The following MYOM3 variants were observed in gnomAD, a reference collection of about 807,000 sequenced individuals.
MYOM3 encodes the protein myomesin 3.
A neutral mutation model predicts 191.7 loss-of-function variants in MYOM3; 155 were observed. That is an observed-to-expected ratio of 0.81 (90% CI 0.71 to 0.92). MYOM3 has a LOEUF of 0.92. Ranked by LOEUF, MYOM3 falls within the 40% of genes least tolerant of loss-of-function variation. The pLI is 0.00. For missense variants in MYOM3, 1,889 were observed against 1,890.6 expected, an observed-to-expected ratio of 1.00 and a Z score of 0.02; for synonymous variants, 757 against 762.9, an observed-to-expected ratio of 0.99 and a Z score of 0.13.
At chr1:24,067,260 ATTTC>A (rs1220392041) in intron 27 of MYOM3, among the ~76,000 whole-genome samples, 172 bp from the exon 28 acceptor site, 80 of 146,602 alleles carry the variant, frequency 5.5e-4, no homozygotes, top group African/African-American at 1.9e-3. Flanking sequence ...CAGAGCGCAA[ATTTC>A]TTTCTTTCTT....
chr1:24,073,252 G>C (rs903519935), intron 23 of MYOM3, among the ~76,000 whole-genome samples: 2 of 152,154 alleles, frequency 1.3e-5, no homozygotes, highest in African/African-American at 4.8e-5. Flanking sequence ...TCTGGCTTCT[G>C]TTTCTTAACA....
At chr1:24,083,193 C>G (rs895818531) in intron 16 of MYOM3, 7 of 152,498 alleles carry the variant, frequency 4.6e-5, no homozygotes, top group African/African-American at 1.7e-4. Context: ...TCATCCTGTC[C>G]CTTCTTGATA....
chr1:24,108,800 G>A, intron 1 of MYOM3, 146 bp from the exon 2 acceptor site: 1 of 599,624 alleles, frequency 1.7e-6, no homozygotes, highest in Non-Finnish European at 2.8e-6. Flanking sequence ...TGAGGTCTGA[G>A]AGGGAGAGGG....
chr1:24,067,392 TTCCTTCC>T (rs1643461047), intron 27 of MYOM3, among the ~76,000 whole-genome samples: 2 of 19,126 alleles, frequency 1.0e-4, no homozygotes, highest in African/African-American at 6.8e-4. Flanking sequence ...TTCTTTTTCC[TTCCTTCC>T]TTCCTTCCTT....
chr1:24,080,040 G>C lies in MYOM3; in HGVS notation c.2562C>G (p.Gly854=). 2 of 1,613,806 alleles carry C rather than the reference G, an allele frequency of 1.2e-6. No individual in the cohort carries two copies. The highest frequency in any genetic ancestry group is 1.7e-6 in the Non-Finnish European group (2 of 1,179,886). ...CCCTCAGGTGGGTGCCAGAGATGGG[G>C]CCTGGGGTGACCGGCTTCCACTGCT... ...GSEQWKPVTP[G]PISGTHLRVS... Residue 854 remains glycine (G), a synonymous_variant, in exon 20 of 37, where the codon GGC becomes GGG. Transcript: ENST00000374434.
Position 24,107,147 on chromosome 1 carries a change from T to C in MYOM3, c.328A>G (p.Arg110Gly). The C allele has an allele frequency of 6.2e-7, 1 of 1,612,516 alleles. No individual in the cohort carries two copies. The highest frequency in any genetic ancestry group is 2.2e-5 in the East Asian group (1 of 44,830). ...KRVGFGNDWE[R>G]TEIAFLQTHR... ...GTCTGCAGGAAGGCGATCTCAGTCCTCTCCCAGTCATTGCCGAAGCCCACC... is the reference window on the plus strand; with the variant it reads ...GTCTGCAGGAAGGCGATCTCAGTCCCCTCCCAGTCATTGCCGAAGCCCACC... The change falls in exon 4 of 37, where the codon AGG (arginine) becomes GGG (glycine). Residue 110 changes from arginine to glycine, a missense_variant. By Grantham distance (125) the Arg-to-Gly change is moderately radical. Coordinates refer to ENST00000374434, the MANE Select transcript of MYOM3 (RefSeq NM_152372.4).
intron 13 of MYOM3, 120 bp downstream of exon 13, chr1:24,089,945 C>T: frequency 9.7e-7 from 1 of 1,029,996 alleles, no homozygotes; most frequent in Non-Finnish European, 1.5e-6. Context: ...TCCAACTAGG[C>T]CCCACCTGCC....
At chr1:24,098,810 C>T (rs535172680) in intron 6 of MYOM3, among the ~76,000 whole-genome samples, 4 of 152,238 alleles carry the variant, frequency 2.6e-5, no homozygotes, top group Admixed American at 1.3e-4. Context: ...GAGTGTTCTG[C>T]TTATCTTTGT....
chr1:24,090,166 G>A (rs1643799072), intron 12 of MYOM3, 48 bp from the exon 13 acceptor site: 1 of 1,485,834 alleles, frequency 6.7e-7, no homozygotes, highest in African/African-American at 1.4e-5. Context: ...CACAGGAGGA[G>A]TTAGGCCAGG....
At chr1:24,076,386 TC>T in intron 20 of MYOM3, 113 bp from the exon 21 acceptor site, 1 of 704,350 alleles carries the variant, frequency 1.4e-6, no homozygotes, top group African/African-American at 1.8e-5. Flanking sequence ...CCTTCTTGTG[TC>T]CCTCATCTTT....
chr1:24,081,268 T>A (rs557797537), intron 19 of MYOM3, 62 bp downstream of exon 19: 1 of 1,592,468 alleles, frequency 6.3e-7, no homozygotes, highest in Non-Finnish European at 8.6e-7. Context: ...CTTCATCTCA[T>A]TGGGTAGGTT....
rs559517820 is a variant in MYOM3, at chr1:24,075,419, C to T, written c.2758G>A (p.Glu920Lys). The T allele has an allele frequency of 2.4e-5, 38 of 1,609,468 alleles. 1 individual carries two copies. In the South Asian group the frequency reaches 3.5e-4, roughly 15 times the overall value. The change falls in exon 22 of 37, where the codon GAA (glutamate) becomes AAA (lysine). Residue 920 changes from glutamate (E) to lysine (K), a missense_variant. Physicochemically the swap from Glu to Lys is moderately conservative, Grantham distance 56. Coordinates refer to ENST00000374434, the MANE Select transcript of MYOM3 (RefSeq NM_152372.4). ...DEEGFIYLAF[E>K]APEAPDSSEF... Reference sequence around the variant, plus strand: ...GAGGAGTCGGGGGCTTCAGGGGCTTCAAAAGCCAAATAGATAAAGCCCTCT... The same window carrying T: ...GAGGAGTCGGGGGCTTCAGGGGCTTTAAAAGCCAAATAGATAAAGCCCTCT...
intron 22 of MYOM3, among the ~76,000 whole-genome samples, chr1:24,074,758 T>C (rs373996664): frequency 2.6e-5 from 4 of 152,296 alleles, no homozygotes; most frequent in Admixed American, 6.5e-5. Context: ...TAGAGGCACA[T>C]ACAATTCCCT....
At chr1:24,095,421 G>A (rs775069364) in intron 8 of MYOM3, 21 bp downstream of exon 8, 10 of 1,609,134 alleles carry the variant, frequency 6.2e-6, no homozygotes, top group East Asian at 2.2e-5. Flanking sequence ...CCCAGGTCCC[G>A]TTCTCCCCCA....
At chr1:24,085,299 T>TGGAC (rs1263124659) in intron 15 of MYOM3, among the ~76,000 whole-genome samples, 1 of 151,628 alleles carries the variant, frequency 6.6e-6, no homozygotes, top group Non-Finnish European at 1.5e-5. Flanking sequence ...GATGGATGGA[T>TGGAC]GGATGGATGG....
chr1:24,074,333 G>T, intron 22 of MYOM3, 64 bp from the exon 23 acceptor site: 1 of 1,230,824 alleles, frequency 8.1e-7, no homozygotes, highest in Non-Finnish European at 1.2e-6. Flanking sequence ...CTAGAGGCCT[G>T]GGAGCCAGGG....
rs548283041 is a variant in MYOM3 at position 24,097,298 on chromosome 1, A to G, written c.745+625T>C. ...CTAAGCGCAATCCGGTGGGCCAAGCATGCTCTTTGGCATGGCGGGCAGGTG... is the reference window on the plus strand; with the variant it reads ...CTAAGCGCAATCCGGTGGGCCAAGCGTGCTCTTTGGCATGGCGGGCAGGTG... On this transcript the variant is annotated intron_variant, in intron 7 of 36. Transcript: ENST00000374434. Among the ~76,000 whole-genome samples the G allele has an allele frequency of 1.9e-3, 296 of 152,296 alleles. 3 individuals carry two copies. Among genetic ancestry groups the G allele is most frequent in the Non-Finnish European group, 3.2e-3 (220 of 68,012 alleles).
intron 15 of MYOM3, 139 bp from the exon 16 acceptor site, chr1:24,084,778 G>T: frequency 1.3e-6 from 1 of 776,862 alleles, no homozygotes; most frequent in East Asian, 2.5e-5. Context: ...CCTGCTGGGG[G>T]CTTTGGGACC....
At chr1:24,089,046 A>G (rs1208553901) in intron 14 of MYOM3, among the ~76,000 whole-genome samples, 1 of 152,068 alleles carries the variant, frequency 6.6e-6, no homozygotes, top group Non-Finnish European at 1.5e-5. Context: ...GACCTGCCTC[A>G]TCCCCGCCGG....
Sources: allele counts gnomAD v4.1 joint callset (sites outside exome capture counted in the v4.1 genomes callset), GRCh38; gene constraint gnomAD v4.1.1; transcripts MANE v1.5; gene names NCBI Gene and HGNC (gene_info 2026-07-23, HGNC 2026-07-21).